CEP126: variants seen among roughly 807,000 people sequenced by gnomAD.
The protein encoded by CEP126 is centrosomal protein of 126 kDa.
CEP126 carries 74 observed loss-of-function variants against 107.8 expected under a neutral mutation model. The observed-to-expected ratio is 0.69, with a 90% CI of 0.57 to 0.83. CEP126 has a LOEUF of 0.83. Ranked by LOEUF, CEP126 falls within the 40% of genes least tolerant of loss-of-function variation. The probability of loss-of-function intolerance (pLI) is 0.00; values close to 1 mark genes in which losing one functional copy is unlikely to be tolerated. For synonymous variants in CEP126, 449 were observed against 446.0 expected, an observed-to-expected ratio of 1.01 and a Z score of -0.08; for missense variants, 1,237 against 1,281.9, an observed-to-expected ratio of 0.96 and a Z score of 0.53.
chr11:101,949,238 C>T (rs1199903486), intron 4 of CEP126, among the ~76,000 whole-genome samples: 1 of 152,148 alleles, frequency 6.6e-6, no homozygotes, highest in African/African-American at 2.4e-5. Context: ...GAGATAAGTG[C>T]ATCTGTATGC....
chr11:101,999,061 A>G lies in CEP126; in HGVS notation c.*1418A>G, dbSNP rs1414237860. On this transcript the variant is annotated 3_prime_UTR_variant, in exon 11 of 11. Transcript: ENST00000263468. Reference sequence around the variant, plus strand: ...GAAGGAAACATTTGTGCTTTCCTATATTTTTAATTTTAAGAATAGGATTTC... The same window carrying G: ...GAAGGAAACATTTGTGCTTTCCTATGTTTTTAATTTTAAGAATAGGATTTC... 1 of 152,200 alleles carries G rather than the reference A, an allele frequency of 6.6e-6. No homozygotes were observed. The highest frequency in any genetic ancestry group is 1.5e-5 in the Non-Finnish European group (1 of 68,026). The allele number at this position is 152,200 out of a possible 1,614,324, so 9.4% of individuals were successfully genotyped here. A position where few individuals can be genotyped will look rare whatever the true frequency, so the allele number is the denominator to read the frequency against.
intron 2 of CEP126, among the ~76,000 whole-genome samples, chr11:101,930,115 G>C (rs1940472627): frequency 6.6e-6 from 1 of 151,708 alleles, no homozygotes; most frequent in Non-Finnish European, 1.5e-5. Flanking sequence ...AGGGTCCCTA[G>C]CCTGCTGACC....
intron 6 of CEP126, among the ~76,000 whole-genome samples, chr11:101,977,942 A>C (rs1941211785): frequency 6.6e-6 from 1 of 152,228 alleles, no homozygotes; most frequent in Non-Finnish European, 1.5e-5. Flanking sequence ...CATGCATTAC[A>C]TGAGCATCTA....
At chr11:101,992,186 T>A (rs2137136089) in intron 9 of CEP126, among the ~76,000 whole-genome samples, 1 of 152,130 alleles carries the variant, frequency 6.6e-6, no homozygotes, top group East Asian at 1.9e-4. Context: ...GCTACAATCA[T>A]GAACTAAGGC....
intron 6 of CEP126, among the ~76,000 whole-genome samples, chr11:101,977,458 C>T (rs945275721): frequency 4.6e-5 from 7 of 151,548 alleles, no homozygotes; most frequent in African/African-American, 1.2e-4. Context: ...TGGTGAAACC[C>T]CGTCTCTACT....
chr11:101,992,877 T>C, intron 10 of CEP126, 35 bp downstream of exon 10: 1 of 1,478,766 alleles, frequency 6.8e-7, no homozygotes, highest in Non-Finnish European at 9.0e-7. Flanking sequence ...TTTCTTGTTT[T>C]AGGAAACTTC....
intron 1 of CEP126, among the ~76,000 whole-genome samples, chr11:101,922,115 T>A (rs1239375103): frequency 6.6e-6 from 1 of 151,082 alleles, no homozygotes; most frequent in Non-Finnish European, 1.5e-5. Flanking sequence ...GTAGATTTTT[T>A]TTCTCCAGGA....
intron 1 of CEP126, among the ~76,000 whole-genome samples, chr11:101,919,748 T>A (rs1414832830): frequency 2.0e-5 from 3 of 152,184 alleles, no homozygotes; most frequent in Admixed American, 1.3e-4. Flanking sequence ...AAACATTACA[T>A]TTGTGATTTT....
At chr11:101,941,572 T>G (rs1451343492) in intron 2 of CEP126, among the ~76,000 whole-genome samples, 1 of 152,192 alleles carries the variant, frequency 6.6e-6, no homozygotes, top group South Asian at 2.1e-4. Flanking sequence ...GCTTCCACCT[T>G]TTTGCTATTA....
chr11:101,946,980 T>C (rs1234822632), intron 3 of CEP126, among the ~76,000 whole-genome samples: 2 of 152,222 alleles, frequency 1.3e-5, no homozygotes, highest in Non-Finnish European at 2.9e-5. Flanking sequence ...AGATGCATCC[T>C]TTATGATGTG....
chr11:101,958,403 C>T (rs1207666963), intron 5 of CEP126, 37 bp downstream of exon 5: 2 of 1,562,532 alleles, frequency 1.3e-6, no homozygotes, highest in Admixed American at 1.7e-5. Context: ...TATTTTAATT[C>T]CTTGCACTAA....
At chr11:101,938,159 C>CAAAAAAAAAAAAAAAAAAAAAAAAAAAA (rs1491167740) in intron 2 of CEP126, among the ~76,000 whole-genome samples, 3 of 39,254 alleles carry the variant, frequency 7.6e-5, no homozygotes, top group East Asian at 9.4e-4. Flanking sequence ...GACTCTGTCT[C>CAAAAAAAAAAAAAAAAAAAAAAAAAAAA]AAAAAAAAAA....
At chr11:101,956,597 T>C (rs1179861959) in intron 4 of CEP126, 1 of 456,324 alleles carries the variant, frequency 2.2e-6, no homozygotes, top group Admixed American at 2.3e-5. Flanking sequence ...TTCCTCCTCA[T>C]CTATTCTTTC....
intron 1 of CEP126, among the ~76,000 whole-genome samples, chr11:101,919,472 C>T (rs1330698018): frequency 6.6e-6 from 1 of 151,350 alleles, no homozygotes; most frequent in African/African-American, 2.4e-5. Flanking sequence ...ATAAAAATTC[C>T]CTTCTTTTGG....
intron 4 of CEP126, among the ~76,000 whole-genome samples, chr11:101,951,386 C>A (rs139001774): frequency 6.6e-6 from 1 of 152,182 alleles, no homozygotes; most frequent in Non-Finnish European, 1.5e-5. Context: ...CTGGCACACA[C>A]CTGTAGCTCT....
rs1004907121 is a variant in CEP126 at position 101,962,893 on chromosome 11, G to T, written c.1858G>T (p.Gly620Cys). Residue 620 changes from glycine (G) to cysteine (C), a missense_variant, in exon 6 of 11, where the codon GGT (glycine) becomes TGT (cysteine). Transcript: ENST00000263468. ...TAGTATTGAATTAACAAAGGAAAAA[G>T]GTGCAGAAATTCCAAAGACCATTAA... is the stretch of plus-strand genomic sequence containing the variant. ...RDSIELTKEK[G>C]AEIPKTIKKL... 1.9e-6 allele frequency: 3 copies of T among 1,609,538 alleles called. No homozygotes were observed. The African/African-American group carries it at 4.0e-5, about 22-fold the overall frequency.
chr11:101,958,076 C>T (rs1940922831), intron 4 of CEP126, 92 bp from the exon 5 acceptor site: 1 of 1,020,786 alleles, frequency 9.8e-7, no homozygotes, highest in Admixed American at 2.2e-5. Context: ...GACAAACACA[C>T]ACGTATTACA....
rs148685442 is a variant in CEP126 at position 101,918,994 on chromosome 11, T to G, written c.128+3582T>G. 1.8e-3 allele frequency among the ~76,000 whole-genome samples: 268 copies of G among 152,256 alleles called. 1 individual carries two copies. The highest frequency in any genetic ancestry group is 6.3e-3 in the African/African-American group (260 of 41,546). ...ATTCATACAGGGAAATGTTAAGAAA[T>G]AAAGTTGAAAAAACAAACTATATTA... On this transcript the variant is annotated intron_variant, in intron 1 of 10. Transcript: ENST00000263468.
intron 5 of CEP126, among the ~76,000 whole-genome samples, chr11:101,960,954 A>G (rs1199955707): frequency 6.6e-6 from 1 of 152,134 alleles, no homozygotes; most frequent in African/African-American, 2.4e-5. Flanking sequence ...AACATTTACC[A>G]TACATTGAAG....
Sources: gnomAD v4.1 joint callset for allele counts (sites outside exome capture counted in the v4.1 genomes callset) on GRCh38, gnomAD v4.1.1 for gene constraint, MANE v1.5 for transcripts, NCBI Gene and HGNC (gene_info 2026-07-23, HGNC 2026-07-21) for gene names.